RASEF: variants seen among roughly 807,000 people sequenced by gnomAD.
RASEF encodes RAS and EF-hand domain containing, also known as ras and EF-hand domain-containing protein.
Under a neutral mutation model 90.1 loss-of-function variants are expected in RASEF, and 68 were observed. The ratio of observed to expected loss-of-function variants is 0.75; its 90% confidence interval spans 0.62 to 0.92. The LOEUF (loss-of-function observed/expected upper bound fraction) is 0.92. RASEF is among the 40% of genes least tolerant of loss of function. The pLI is 0.00. For missense variants in RASEF, 949 were observed against 937.2 expected (o/e 1.01, Z -0.16); for synonymous variants, 331 against 345.2 (o/e 0.96, Z 0.46).
chr9:83,201,442 T>C, the RASEF span, among the ~76,000 whole-genome samples: 1 of 152,180 alleles, frequency 6.6e-6, no homozygotes, highest in Admixed American at 6.5e-5. Flanking sequence ...GCCTTGGTAA[T>C]GGAGGAGACA....
chr9:82,987,251 T>A (rs1271450219), intron 16 of RASEF, among the ~76,000 whole-genome samples: 1 of 109,550 alleles, frequency 9.1e-6, no homozygotes, highest in Non-Finnish European at 2.1e-5. Flanking sequence ...GGTCTTCATA[T>A]GTTTGCTTTA....
At chr9:83,197,830 C>A in the RASEF span, among the ~76,000 whole-genome samples, 1 of 152,322 alleles carries the variant, frequency 6.6e-6, no homozygotes, top group African/African-American at 2.4e-5. Context: ...TGGCCACCTA[C>A]CAACAGCATA....
At chr9:83,212,114 A>T in the RASEF span, among the ~76,000 whole-genome samples, 2 of 152,202 alleles carry the variant, frequency 1.3e-5, no homozygotes, top group African/African-American at 4.8e-5. Context: ...GAGATATGAA[A>T]AATGTGTGAT....
Position 83,001,144 on chromosome 9 carries a change from G to A in RASEF, c.1203-14C>T. Reference sequence around the variant, plus strand: ...GAGCGGGATGACCTGGTAATAAAGGGGAAGACCAATTTACCTGAGGGCTGG... The same window carrying A: ...GAGCGGGATGACCTGGTAATAAAGGAGAAGACCAATTTACCTGAGGGCTGG... On this transcript the variant is annotated splice_polypyrimidine_tract_variant and intron_variant, in intron 9 of 16. Coordinates refer to ENST00000376447, the MANE Select transcript of RASEF (RefSeq NM_152573.4). 6.3e-7 allele frequency: 1 copy of A among 1,590,234 alleles called. No individual in the cohort carries two copies. The highest frequency in any genetic ancestry group is 1.7e-5 in the Admixed American group (1 of 59,732).
Position 83,062,802 on chromosome 9 carries a change from C to T in RASEF, c.66G>A (p.Ala22=). ...CGCGCTCCAGGCGCCCCGAGCGGTT[C>T]GCGTCGCAGGCGGCGAAGACTGAGC... ...RLRSVFAACD[A]NRSGRLEREE... The change falls in exon 1 of 17, where the codon GCG becomes GCA. Residue 22 remains alanine, a synonymous_variant. Coordinates refer to ENST00000376447, the MANE Select transcript of RASEF (RefSeq NM_152573.4). 6.4e-7 allele frequency: 1 copy of T among 1,556,796 alleles called. No individual in the cohort carries two copies.
At chr9:83,214,428 A>G in the RASEF span, among the ~76,000 whole-genome samples, 1 of 152,230 alleles carries the variant, frequency 6.6e-6, no homozygotes, top group Admixed American at 6.5e-5. Context: ...AAAAATATTT[A>G]AAGAATATGT....
At chr9:83,172,324 T>C in the RASEF span, among the ~76,000 whole-genome samples, 1 of 151,824 alleles carries the variant, frequency 6.6e-6, no homozygotes, top group African/African-American at 2.4e-5. Context: ...GCCTTAAGAA[T>C]TGGACTACTC....
At chr9:83,182,598 G>T in the RASEF span, among the ~76,000 whole-genome samples, 2 of 152,052 alleles carry the variant, frequency 1.3e-5, no homozygotes, top group Non-Finnish European at 2.9e-5. Flanking sequence ...ATCTAGTAAA[G>T]AATTACATCA....
At chr9:83,128,245 A>G in the RASEF span, among the ~76,000 whole-genome samples, 5 of 152,152 alleles carry the variant, frequency 3.3e-5, no homozygotes, top group South Asian at 1.0e-3. Context: ...GGAGGCAGTC[A>G]AACGCCTAGG....
chr9:83,086,707 G>A, the RASEF span, among the ~76,000 whole-genome samples: 4 of 152,126 alleles, frequency 2.6e-5, no homozygotes, highest in Non-Finnish European at 4.4e-5. Context: ...CTGTTGGCTG[G>A]AGAACTCAGT....
rs955925878 is a variant in RASEF at position 82,980,727 on chromosome 9, A to T, written c.*1950T>A. 1.3e-5 allele frequency: 2 copies of T among 152,222 alleles called. No homozygotes were observed. The highest frequency in any genetic ancestry group is 4.8e-5 in the African/African-American group (2 of 41,460). The allele number at this position is 152,222 out of a possible 1,614,324, so 9.4% of individuals were successfully genotyped here. On this transcript the variant is annotated 3_prime_UTR_variant, in exon 17 of 17. Coordinates refer to ENST00000376447, the MANE Select transcript of RASEF (RefSeq NM_152573.4). ...TGTCATCAAAAGATGCCACTAAGAC[A>T]AACAGCCATGGCAAAAGTTTTCCCA...
chr9:83,112,715 G>T, the RASEF span, among the ~76,000 whole-genome samples: 2 of 151,956 alleles, frequency 1.3e-5, no homozygotes, highest in Non-Finnish European at 2.9e-5. Flanking sequence ...GTTTTAAAAG[G>T]ATATTTAGCT....
At chr9:83,065,843 G>T (rs992641097), upstream of RASEF, among the ~76,000 whole-genome samples, 8 of 152,098 alleles carry the variant, frequency 5.3e-5, no homozygotes, top group Non-Finnish European at 7.4e-5. Flanking sequence ...GACATTTTTG[G>T]CTGTCTTAAT....
the RASEF span, among the ~76,000 whole-genome samples, chr9:83,161,072 A>G: frequency 6.6e-6 from 1 of 152,142 alleles, no homozygotes; most frequent in Non-Finnish European, 1.5e-5. Flanking sequence ...CTGTCAGGGG[A>G]GTGCAGAAGG....
At chr9:83,170,030 A>C in the RASEF span, among the ~76,000 whole-genome samples, 11 of 152,034 alleles carry the variant, frequency 7.2e-5, no homozygotes, top group Non-Finnish European at 1.3e-4. Context: ...TGGTTCCCCA[A>C]TATTTTCTTC....
intron 16 of RASEF, 71 bp downstream of exon 16, chr9:82,990,320 A>C: frequency 9.8e-7 from 1 of 1,022,070 alleles, no homozygotes; most frequent in Non-Finnish European, 1.6e-6. Flanking sequence ...CTATCTGCAC[A>C]TTATGGACAA....
At chr9:82,987,640 G>C (rs544033880) in intron 16 of RASEF, among the ~76,000 whole-genome samples, 1 of 152,204 alleles carries the variant, frequency 6.6e-6, no homozygotes, top group East Asian at 1.9e-4. Context: ...CTCTTCACCG[G>C]GGCACTTTGG....
At chr9:83,058,396 A>G (rs984021985) in intron 1 of RASEF, among the ~76,000 whole-genome samples, 11 of 150,836 alleles carry the variant, frequency 7.3e-5, no homozygotes, top group Non-Finnish European at 1.3e-4. Flanking sequence ...GTTAGCCAGG[A>G]TGGTCTCCAT....
chr9:83,009,088 CA>C (rs1170620834), intron 6 of RASEF, among the ~76,000 whole-genome samples: 1 of 149,672 alleles, frequency 6.7e-6, no homozygotes, highest in Admixed American at 6.7e-5. Flanking sequence ...CAAACAAACC[CA>C]AAAAAAGATA....
Sources: allele counts gnomAD v4.1 joint callset (sites outside exome capture counted in the v4.1 genomes callset), GRCh38; gene constraint gnomAD v4.1.1; transcripts MANE v1.5; gene names NCBI Gene and HGNC (gene_info 2026-07-23, HGNC 2026-07-21).